FTO: variants seen among roughly 807,000 people sequenced by gnomAD.
FTO encodes FTO alpha-ketoglutarate dependent dioxygenase.
FTO carries 47 observed loss-of-function variants against 63.9 expected under a neutral mutation model. The ratio of observed to expected loss-of-function variants is 0.74; its 90% CI spans 0.58 to 0.94. FTO has a LOEUF of 0.94. FTO is among the 40% of genes least tolerant of loss of function. The probability of loss-of-function intolerance (pLI) is 0.00; values close to 1 mark genes in which losing one functional copy is unlikely to be tolerated. For missense variants in FTO, 562 were observed against 618.1 expected (o/e 0.91, Z 0.96); for synonymous variants, 207 against 224.4 (o/e 0.92, Z 0.69).
rs61107051 is a variant in FTO, at chr16:54,021,926, G to A, written c.1364+87817G>A. ...AACAACATACTAGTTTTTTATACTTGTTTATTCATCACTGAAAACAAAACA... is the reference window on the plus strand; with the variant it reads ...AACAACATACTAGTTTTTTATACTTATTTATTCATCACTGAAAACAAAACA... On this transcript the variant is annotated intron_variant, in intron 8 of 8. Coordinates refer to ENST00000471389, the MANE Select transcript of FTO (RefSeq NM_001080432.3). Among the ~76,000 whole-genome samples the A allele has an allele frequency of 8.9e-3, 1,359 of 152,220 alleles. 21 individuals are homozygous for A. Among genetic ancestry groups the A allele is most frequent in the African/African-American group, 0.031 (1,286 of 41,538 alleles).
intron 8 of FTO, among the ~76,000 whole-genome samples, chr16:53,979,884 C>G (rs2083504359): frequency 6.6e-6 from 1 of 152,200 alleles, no homozygotes; most frequent in South Asian, 2.1e-4. Flanking sequence ...TTCCAGAGGG[C>G]TGTTACTTTG....
chr16:53,805,443 GTTTT>G (rs10552956), intron 1 of FTO, among the ~76,000 whole-genome samples: 12 of 109,654 alleles, frequency 1.1e-4, no homozygotes, highest in Non-Finnish European at 1.4e-4. Flanking sequence ...TTGAGTTGTG[GTTTT>G]TTTTTTTTTT....
At chr16:53,885,263 T>A (rs1040273394) in intron 6 of FTO, among the ~76,000 whole-genome samples, 2 of 152,136 alleles carry the variant, frequency 1.3e-5, no homozygotes, top group Non-Finnish European at 2.9e-5. Context: ...CTTAATTAAG[T>A]TTAAGGAGAG....
chr16:53,883,418 C>T (rs1414775252), intron 6 of FTO, among the ~76,000 whole-genome samples: 3 of 152,004 alleles, frequency 2.0e-5, no homozygotes, highest in Non-Finnish European at 4.4e-5. Flanking sequence ...GTCAGGAGTT[C>T]GAGACCAGCC....
chr16:53,765,969 TA>T (rs1002077199), intron 1 of FTO, among the ~76,000 whole-genome samples: 14 of 152,298 alleles, frequency 9.2e-5, no homozygotes, highest in Admixed American at 6.5e-4. Context: ...TTGATTTCTA[TA>T]AAGATCACTG....
chr16:54,098,331 C>A (rs1219171082), intron 8 of FTO, among the ~76,000 whole-genome samples: 1 of 152,140 alleles, frequency 6.6e-6, no homozygotes, highest in Non-Finnish European at 1.5e-5. Context: ...GAAGAGAAAT[C>A]CAGAAAGACC....
chr16:53,848,496 G>C (rs1216334792), intron 4 of FTO, among the ~76,000 whole-genome samples: 2 of 152,068 alleles, frequency 1.3e-5, no homozygotes, highest in Non-Finnish European at 2.9e-5. Flanking sequence ...CTTTTAAATT[G>C]GAATCTTTGC....
chr16:53,927,851 G>A (rs141416655), intron 7 of FTO, among the ~76,000 whole-genome samples: 299 of 152,308 alleles, frequency 2.0e-3, no homozygotes, highest in African/African-American at 6.9e-3. Flanking sequence ...CTGGCTTCTG[G>A]TACATAAAAA....
At chr16:53,796,404 TG>T (rs1248742473) in intron 1 of FTO, among the ~76,000 whole-genome samples, 1 of 152,150 alleles carries the variant, frequency 6.6e-6, no homozygotes, top group Non-Finnish European at 1.5e-5. Flanking sequence ...TAAAGTGTAT[TG>T]GAAAATTCAC....
chr16:54,056,567 T>C (rs7194199), intron 8 of FTO, among the ~76,000 whole-genome samples: 13,480 of 152,254 alleles, frequency 0.089, 1,021 homozygotes, highest in African/African-American at 0.2. Flanking sequence ...GATCTCTTTC[T>C]GTCTGGACTA....
intron 1 of FTO, among the ~76,000 whole-genome samples, chr16:53,746,531 C>T (rs1208116221): frequency 6.6e-6 from 1 of 152,102 alleles, no homozygotes; most frequent in African/African-American, 2.4e-5. Context: ...ATGATTTAGC[C>T]AGCTTTAGAG....
chr16:54,059,596 A>T (rs1384869476), intron 8 of FTO, among the ~76,000 whole-genome samples: 2 of 152,192 alleles, frequency 1.3e-5, no homozygotes, highest in Admixed American at 6.5e-5. Flanking sequence ...GGCAGTGGTT[A>T]AGCGCTGCTC....
intron 1 of FTO, among the ~76,000 whole-genome samples, chr16:53,767,081 C>T (rs1289409998): frequency 2.0e-5 from 3 of 152,118 alleles, no homozygotes; most frequent in African/African-American, 7.2e-5. Context: ...AGGGTAGTCT[C>T]CCAGACCTGC....
At chr16:54,087,746 A>G (rs774925661) in intron 8 of FTO, among the ~76,000 whole-genome samples, 12 of 152,224 alleles carry the variant, frequency 7.9e-5, no homozygotes, top group Non-Finnish European at 1.2e-4. Flanking sequence ...ACAGTGAGCT[A>G]TGATCACGCC....
intron 8 of FTO, among the ~76,000 whole-genome samples, chr16:54,087,791 T>C (rs1434148868): frequency 1.3e-5 from 2 of 152,192 alleles, no homozygotes; most frequent in African/African-American, 4.8e-5. Context: ...AGTGAGACCC[T>C]ATCTCTAAAA....
chr16:53,882,042 A>C (rs1185921384), intron 6 of FTO, among the ~76,000 whole-genome samples: 4 of 152,094 alleles, frequency 2.6e-5, no homozygotes, highest in African/African-American at 9.7e-5. Flanking sequence ...ACAATGTGTG[A>C]ATTTTATGGC....
At chr16:54,010,103 G>A (rs192884098) in intron 8 of FTO, among the ~76,000 whole-genome samples, 1 of 152,242 alleles carries the variant, frequency 6.6e-6, no homozygotes, top group East Asian at 1.9e-4. Context: ...TTGCTAGGGT[G>A]CCAGTTCTTG....
chr16:54,079,499 T>C (rs2086087291), intron 8 of FTO, among the ~76,000 whole-genome samples: 1 of 152,148 alleles, frequency 6.6e-6, no homozygotes, highest in Non-Finnish European at 1.5e-5. Context: ...AACACATAGA[T>C]GCTACCCAAG....
chr16:54,064,210 A>T (rs1269929760), intron 8 of FTO, among the ~76,000 whole-genome samples: 2 of 152,100 alleles, frequency 1.3e-5, no homozygotes, highest in Non-Finnish European at 2.9e-5. Flanking sequence ...TACTACTTCT[A>T]CTTGAGTGCT....
Sources: gnomAD v4.1 joint callset for allele counts (sites outside exome capture counted in the v4.1 genomes callset) on GRCh38, gnomAD v4.1.1 for gene constraint, MANE v1.5 for transcripts, NCBI Gene and HGNC (gene_info 2026-07-23, HGNC 2026-07-21) for gene names.